The following PCDHGA3 variants were observed in gnomAD, a reference collection of about 807,000 sequenced individuals.
PCDHGA3 encodes protocadherin gamma subfamily A, 3.
A neutral mutation model predicts 58.5 loss-of-function variants in PCDHGA3; 40 were observed. That is an observed-to-expected ratio of 0.68 (90% CI 0.53 to 0.89). The LOEUF is 0.89. PCDHGA3 is among the 40% of genes least tolerant of loss of function. PCDHGA3 has a pLI of 0.00. For synonymous variants in PCDHGA3, 530 were observed against 525.7 expected, an observed-to-expected ratio of 1.01 and a Z score of -0.11; for missense variants, 1,223 against 1,195.9, an observed-to-expected ratio of 1.02 and a Z score of -0.33.
rs748660721 is a variant in PCDHGA3 at position 141,485,346 on chromosome 5, G to A, written c.2425-9461G>A. The A allele has an allele frequency of 1.2e-6, 2 of 1,614,178 alleles. No individual in the cohort carries two copies. Among genetic ancestry groups the A allele is most frequent in the South Asian group, 2.2e-5 (2 of 91,088 alleles). ...CAAGATTTCCTGCTGGATACGGACA[G>A]TCTGTCAGCTCGCAGGCTGCAGGTC... On this transcript the variant is annotated intron_variant, in intron 1 of 3. Transcript: ENST00000253812. This position sits in a 1 kb window ranked among gnomAD's most constrained non-coding sequence, Gnocchi z 5.7.
chr5:141,420,186 C>A, intron 1 of PCDHGA3: 1 of 1,613,696 alleles, frequency 6.2e-7, no homozygotes, highest in Non-Finnish European at 8.5e-7. Context: ...CATTGTCCAG[C>A]CACACAAGAT....
In PCDHGA3 at chr5:141,476,650, A is replaced by G. The variant is rs2099395609; in HGVS notation, c.2425-18157A>G. 6.2e-7 allele frequency: 1 copy of G among 1,614,126 alleles called. No individual in the cohort carries two copies. The highest frequency in any genetic ancestry group is 1.3e-5 in the African/African-American group (1 of 74,952). On this transcript the variant is annotated intron_variant, in intron 1 of 3. Transcript: ENST00000253812. This position sits in a 1 kb window ranked among gnomAD's most constrained non-coding sequence, Gnocchi z 7.6. Reference sequence around the variant, plus strand: ...AAACCTATGAGCTGAGCCGAAATGAATACTTTGCGCTTCGCGTGCAGACGC... The same window carrying G: ...AAACCTATGAGCTGAGCCGAAATGAGTACTTTGCGCTTCGCGTGCAGACGC...
intron 1 of PCDHGA3, among the ~76,000 whole-genome samples, chr5:141,474,082 CA>C (rs1449032579): frequency 1.3e-5 from 2 of 151,946 alleles, no homozygotes; most frequent in Non-Finnish European, 2.9e-5. Flanking sequence ...AAACAAAAAC[CA>C]AAAAACAAAC....
chr5:141,374,724 C>A (rs1384151075), intron 1 of PCDHGA3: 1 of 1,610,030 alleles, frequency 6.2e-7, no homozygotes, highest in African/African-American at 1.3e-5. Context: ...GTCCTTACTG[C>A]CATGGATGGC....
In PCDHGA3 at chr5:141,432,177, CTG is replaced by C. The variant is rs769631339; in HGVS notation, c.2425-62627_2425-62626del. 4 of 1,614,102 alleles carry C rather than the reference CTG, an allele frequency of 2.5e-6. No homozygotes were observed. Among genetic ancestry groups the C allele is most frequent in the Admixed American group, 1.7e-5 (1 of 60,012 alleles). ...AATCCCAGAGGAGTTTCCCTCGTCT[CTG>C]TGACCGCCCACGACCCCGACTGTGA... On this transcript the variant is annotated intron_variant, in intron 1 of 3. Transcript: ENST00000253812. The surrounding 1 kb of genome is among the most constrained non-coding windows in gnomAD (Gnocchi z 6.0).
At chr5:141,394,019 T>C in intron 1 of PCDHGA3, 1 of 1,613,522 alleles carries the variant, frequency 6.2e-7, no homozygotes, top group Non-Finnish European at 8.5e-7. Flanking sequence ...GTAATTATTA[T>C]AGATTAGTGA....
Position 141,481,023 on chromosome 5 carries a change from A to G in PCDHGA3, c.2425-13784A>G, listed in dbSNP as rs546827260. On this transcript the variant is annotated intron_variant, in intron 1 of 3. Transcript: ENST00000253812. ...CAGTGAGCCCAGATCACACCACTGC[A>G]CTCCAGCCTGGGCGACAGAGCGAGA... Among the ~76,000 whole-genome samples the G allele has an allele frequency of 9.0e-4, 137 of 152,218 alleles. 1 individual carries two copies. The highest frequency in any genetic ancestry group is 3.2e-3 in the African/African-American group (132 of 41,516).
At chr5:141,374,974 G>A in intron 1 of PCDHGA3, 2 of 1,613,958 alleles carry the variant, frequency 1.2e-6, no homozygotes, top group Non-Finnish European at 1.7e-6. Context: ...TGAATGTTTT[G>A]ACTGGAGAAA....
At position 141,357,578 on chromosome 5, in the gene PCDHGA3, T is replaced by G. The variant is rs1343240769; in HGVS notation, c.2424+11121T>G. 11 of 1,614,084 alleles carry G rather than the reference T, an allele frequency of 6.8e-6. No individual in the cohort carries two copies. The highest frequency in any genetic ancestry group is 8.5e-6 in the Non-Finnish European group (10 of 1,180,040). On this transcript the variant is annotated intron_variant, in intron 1 of 3. Transcript: ENST00000253812. ...TGTGAGAAAAGCGAGCCTCTTCTGATAACTCAGGATTTACTTGAAACAAAA... is the reference window on the plus strand; with the variant it reads ...TGTGAGAAAAGCGAGCCTCTTCTGAGAACTCAGGATTTACTTGAAACAAAA...
intron 1 of PCDHGA3, chr5:141,383,530 G>A: frequency 6.2e-7 from 1 of 1,612,674 alleles, no homozygotes; most frequent in Non-Finnish European, 8.5e-7. Flanking sequence ...TCACCACCTG[G>A]TCCTCACAGC....
intron 1 of PCDHGA3, among the ~76,000 whole-genome samples, chr5:141,442,921 CATTTTCTA>C (rs1366534082): frequency 6.6e-6 from 1 of 152,196 alleles, no homozygotes. Context: ...ACAACTGTTT[CATTTTCTA>C]TTTAAGAAAC....
In PCDHGA3 at chr5:141,486,341, C is replaced by T; in HGVS notation, c.2425-8466C>T. On this transcript the variant is annotated intron_variant, in intron 1 of 3. Coordinates refer to ENST00000253812, the MANE Select transcript of PCDHGA3 (RefSeq NM_018916.4). The surrounding 1 kb of genome is among the most constrained non-coding windows in gnomAD (Gnocchi z 5.0). ...AAACGGAGATGTGAGCCTCCGCATTCCTGACCACTTGCCATTTGCCCTCAA... is the reference window on the plus strand; with the variant it reads ...AAACGGAGATGTGAGCCTCCGCATTTCTGACCACTTGCCATTTGCCCTCAA... The T allele has an allele frequency of 6.2e-7, 1 of 1,614,128 alleles. No individual in the cohort carries two copies. Among genetic ancestry groups the T allele is most frequent in the Non-Finnish European group, 8.5e-7 (1 of 1,179,992 alleles).
chr5:141,479,521 T>A (rs4912607), intron 1 of PCDHGA3: 2 of 152,104 alleles, frequency 1.3e-5, no homozygotes, highest in Non-Finnish European at 2.9e-5. Context: ...CTGGCCCAGG[T>A]TGGAAGTGGA....
chr5:141,375,759 C>A lies in PCDHGA3; in HGVS notation c.2424+29302C>A, dbSNP rs757946718. 3.7e-6 allele frequency: 6 copies of A among 1,614,126 alleles called. No individual in the cohort carries two copies. The African/African-American group carries it at 5.3e-5, about 14-fold the overall frequency. ...TTTGTGCTGGACCAGAATGACAATG[C>A]GCCCGAGATCCTGTACCCCGCCCTC... On this transcript the variant is annotated intron_variant, in intron 1 of 3. Coordinates refer to ENST00000253812, the MANE Select transcript of PCDHGA3 (RefSeq NM_018916.4).
chr5:141,379,889 CTTTTTTTTTTTTTTTTT>C (rs70988800), intron 1 of PCDHGA3, among the ~76,000 whole-genome samples: 16 of 50,830 alleles, frequency 3.1e-4, no homozygotes, highest in East Asian at 2.5e-3. Flanking sequence ...GTGAAAGCCT[CTTTTTTTTTTTTTTTTT>C]TTTTTTTTTT....
chr5:141,491,138 C>T lies in PCDHGA3; in HGVS notation c.2425-3669C>T. The T allele has an allele frequency of 1.2e-6, 2 of 1,614,106 alleles. No individual in the cohort carries two copies. The highest frequency in any genetic ancestry group is 1.7e-6 in the Non-Finnish European group (2 of 1,179,962). On this transcript the variant is annotated intron_variant, in intron 1 of 3. Transcript: ENST00000253812. The surrounding 1 kb of genome is among the most constrained non-coding windows in gnomAD (Gnocchi z 6.9). ...ACTGGTGAGGTGCGCACAGCCCGGG[C>T]CTTACTGGAGGATGACTCTGACACC...
At chr5:141,395,545 TGTGTGTGTGTGTG>T (rs1440813594) in intron 1 of PCDHGA3, 2 of 174,840 alleles carry the variant, frequency 1.1e-5, no homozygotes, top group Admixed American at 1.3e-4. Flanking sequence ...CTATTGTTTG[TGTGTGTGTGTGTG>T]TGTGTGTGTG....
Position 141,485,048 on chromosome 5 carries a change from C to T in PCDHGA3, c.2425-9759C>T. ...AAACGGCGCGTAACCCTTGCGGCGC[C>T]GGCCGAACCGCGCCAGAGCTGGCGC... On this transcript the variant is annotated intron_variant, in intron 1 of 3. Transcript: ENST00000253812. The surrounding 1 kb of genome is among the most constrained non-coding windows in gnomAD (Gnocchi z 5.7). 1 of 770,392 alleles carries T rather than the reference C, an allele frequency of 1.3e-6. No individual in the cohort carries two copies. Among genetic ancestry groups the T allele is most frequent in the South Asian group, 1.7e-5 (1 of 58,120 alleles). 47.7% of individuals were successfully genotyped at this position (770,392 alleles called of 1,614,324 possible). A position where few individuals can be genotyped will look rare whatever the true frequency, so the allele number is the denominator to read the frequency against.
At chr5:141,402,812 C>A in intron 1 of PCDHGA3, 1 of 1,243,796 alleles carries the variant, frequency 8.0e-7, no homozygotes, top group Non-Finnish European at 1.1e-6. Flanking sequence ...GCAGATACCA[C>A]AAACCTGCTC....
Sources: gnomAD v4.1 joint callset for allele counts (sites outside exome capture counted in the v4.1 genomes callset) on GRCh38, gnomAD v4.1.1 for gene constraint, Gnocchi (gnomAD v3.1) non-coding constraint, MANE v1.5 for transcripts, NCBI Gene and HGNC (gene_info 2026-07-23, HGNC 2026-07-21) for gene names.